The following DNAH10 variants were observed in gnomAD, a reference collection of about 807,000 sequenced individuals.
DNAH10 encodes dynein axonemal heavy chain 10.
DNAH10 carries 348 observed loss-of-function variants against 506.6 expected under a neutral mutation model. The ratio of observed to expected loss-of-function variants is 0.69; its 90% confidence interval spans 0.63 to 0.75. The LOEUF (loss-of-function observed/expected upper bound fraction) is 0.75. Among genes scored for constraint, DNAH10 ranks in the 30% least tolerant of loss-of-function variants. The pLI is 0.00. For synonymous variants in DNAH10, 2,059 were observed against 2,198.6 expected (o/e 0.94, Z 1.78); for missense variants, 5,179 against 5,787.1 (o/e 0.89, Z 3.41).
At chr12:123,772,710 A>G (rs1565885294) in intron 3 of DNAH10, 124 bp from the exon 4 acceptor site, 3 of 703,414 alleles carry the variant, frequency 4.3e-6, no homozygotes, top group Non-Finnish European at 7.0e-6. Context: ...GGCTGTGGCT[A>G]CATTGTCAGA....
At chr12:123,798,071 C>A (rs1466947192) in intron 13 of DNAH10, among the ~76,000 whole-genome samples, 2 of 152,144 alleles carry the variant, frequency 1.3e-5, no homozygotes, top group Non-Finnish European at 2.9e-5. Context: ...CATTATTATT[C>A]TTTTGATTTC....
At position 123,813,252 on chromosome 12, in the gene DNAH10, A is replaced by C; in HGVS notation, c.3233A>C (p.Asn1078Thr). Residue 1078 changes from asparagine to threonine, a missense_variant, in exon 20 of 79, where the codon AAT (asparagine) becomes ACT (threonine). Coordinates refer to ENST00000673944, the MANE Select transcript of DNAH10 (RefSeq NM_001372106.1). ...EEEVVIINFY[N>T]DISLNPQIIE... is the part of the protein sequence containing the mutation. Reference sequence around the variant, plus strand: ...GAAGTTGTTATAATAAACTTTTACAATGATATCTCTCTGAACCCTCAGATA... The same window carrying C: ...GAAGTTGTTATAATAAACTTTTACACTGATATCTCTCTGAACCCTCAGATA... The C allele has an allele frequency of 6.2e-7, 1 of 1,614,198 alleles. No individual in the cohort carries two copies. The highest frequency in any genetic ancestry group is 2.2e-5 in the East Asian group (1 of 44,892).
At chr12:123,773,196 G>A (rs1170643634) in intron 4 of DNAH10, among the ~76,000 whole-genome samples, 2 of 152,254 alleles carry the variant, frequency 1.3e-5, no homozygotes, top group African/African-American at 4.8e-5. Flanking sequence ...TGTGAAGACT[G>A]AAACTTGTGA....
At chr12:123,867,633 A>G in intron 42 of DNAH10, 32 bp downstream of exon 42, 1 of 1,611,254 alleles carries the variant, frequency 6.2e-7, no homozygotes, top group Non-Finnish European at 8.5e-7. Context: ...TAGCAAAAAG[A>G]AATTCTTTCC....
At chr12:123,873,205 G>A (rs544185427) in intron 45 of DNAH10, among the ~76,000 whole-genome samples, 2 of 152,186 alleles carry the variant, frequency 1.3e-5, no homozygotes, top group East Asian at 1.9e-4. Context: ...ATGCCATTAC[G>A]ATCGTCTTAC....
chr12:123,838,747 C>A, intron 29 of DNAH10, 58 bp downstream of exon 29: 1 of 1,476,012 alleles, frequency 6.8e-7, no homozygotes, highest in South Asian at 1.2e-5. Context: ...GCCTTCGGTC[C>A]TCCCTGGTTC....
chr12:123,906,892 A>T (rs1052059661), intron 57 of DNAH10, among the ~76,000 whole-genome samples: 6 of 152,248 alleles, frequency 3.9e-5, no homozygotes, highest in African/African-American at 1.4e-4. Context: ...AGGCAGGAAG[A>T]TGAAGAGTCA....
Position 123,835,502 on chromosome 12 carries a change from G to T in DNAH10, c.4876G>T (p.Asp1626Tyr). 6.2e-7 allele frequency: 1 copy of T among 1,608,150 alleles called. No individual in the cohort carries two copies. Among genetic ancestry groups the T allele is most frequent in the Non-Finnish European group, 8.5e-7 (1 of 1,176,994 alleles). ...ACTTCCGGAAGAGGCAAAAAAGTTT[G>T]ACAACATCGATAAAGTATTTAAAAG... ...SQLPEEAKKF[D>Y]NIDKVFKRIM... Residue 1626 changes from aspartate to tyrosine, a missense_variant, in exon 28 of 79, where the codon GAC becomes TAC. Asp to Tyr is a radical substitution (Grantham distance 160). This residue lies in a region of DNAH10 where 4,844 missense variants were observed against 5,430.5 expected (regional missense o/e 0.89). Transcript: ENST00000673944.
chr12:123,932,181 C>T (rs1361279907), intron 76 of DNAH10, 73 bp downstream of exon 76: 1 of 1,566,322 alleles, frequency 6.4e-7, no homozygotes, highest in Non-Finnish European at 8.7e-7. Flanking sequence ...ACCTCCCAAT[C>T]CCCTCTTTCC....
intron 5 of DNAH10, among the ~76,000 whole-genome samples, chr12:123,774,723 C>G (rs908338506): frequency 6.6e-6 from 1 of 152,356 alleles, no homozygotes; most frequent in South Asian, 2.1e-4. Context: ...TGGCTTTCAG[C>G]GGTTTTCCAC....
At chr12:123,879,018 G>A (rs752022074) in intron 48 of DNAH10, among the ~76,000 whole-genome samples, 3 of 152,192 alleles carry the variant, frequency 2.0e-5, no homozygotes, top group African/African-American at 4.8e-5. Flanking sequence ...TATAGACAAC[G>A]CTCTTTTTTT....
In DNAH10 at chr12:123,851,114, A is replaced by G. The variant is rs530826187; in HGVS notation, c.6291+38A>G. The G allele has an allele frequency of 1.3e-4, 207 of 1,534,700 alleles. No individual in the cohort carries two copies. The Middle Eastern group carries it at 1.7e-3, about 13-fold the overall frequency. The stretch of plus-strand genomic sequence containing the variant: ...GGCAGCGCCAGGTCGTGCAGTGCAG[A>G]CTTCACCCGGGTCTGCTTCCAGACT... On this transcript the variant is annotated intron_variant, in intron 35 of 78. Transcript: ENST00000673944.
Position 123,883,634 on chromosome 12 carries a change from G to A in DNAH10, c.8823+1821G>A, listed in dbSNP as rs188811529. 3.9e-5 allele frequency among the ~76,000 whole-genome samples: 6 copies of A among 152,242 alleles called. No homozygotes were observed. The East Asian group carries it at 9.6e-4, about 24-fold the overall frequency. ...CAATTTACAATGGATTTATTGAGAC[G>A]TAGCCCCATCTTAAGCTGAAAAGTG... On this transcript the variant is annotated intron_variant, in intron 51 of 78. Coordinates refer to ENST00000673944, the MANE Select transcript of DNAH10 (RefSeq NM_001372106.1).
chr12:123,800,995 C>T (rs992790926), intron 15 of DNAH10, among the ~76,000 whole-genome samples: 8 of 149,040 alleles, frequency 5.4e-5, no homozygotes, highest in Non-Finnish European at 4.5e-5. Flanking sequence ...CCAGCCTAGG[C>T]GACAGAGCGA....
Position 123,813,738 on chromosome 12 carries a change from G to C in DNAH10, c.3622-16G>C, listed in dbSNP as rs766189086. 3 of 1,613,248 alleles carry C rather than the reference G, an allele frequency of 1.9e-6. No homozygotes were observed. In the South Asian group the frequency reaches 3.3e-5, roughly 18 times the overall value. On this transcript the variant is annotated splice_polypyrimidine_tract_variant and intron_variant, in intron 20 of 78. Transcript: ENST00000673944. ...TTTCTGTGTTTGCTTAGTGTTCTTT[G>C]TACTTTCTGTTATAGCACCTGGCCA... is the stretch of plus-strand genomic sequence containing the variant.
intron 52 of DNAH10, among the ~76,000 whole-genome samples, chr12:123,892,068 C>T (rs980146810): frequency 2.0e-5 from 3 of 152,228 alleles, no homozygotes; most frequent in Admixed American, 1.3e-4. Context: ...CCCGGATGCC[C>T]GGAGGGAGAG....
At chr12:123,833,415 T>C in intron 27 of DNAH10, 68 bp downstream of exon 27, 1 of 1,258,200 alleles carries the variant, frequency 7.9e-7, no homozygotes, top group Admixed American at 2.2e-5. Flanking sequence ...TATGAGGATA[T>C]TTTGTGCTTA....
chr12:123,851,445 G>T (rs12819064), intron 35 of DNAH10, among the ~76,000 whole-genome samples: 1 of 150,588 alleles, frequency 6.6e-6, no homozygotes, highest in Non-Finnish European at 1.5e-5. Context: ...TTTTTCTGCT[G>T]TGTCTCTCTT....
intron 46 of DNAH10, 47 bp from the exon 47 acceptor site, chr12:123,875,184 T>G (rs1464484439): frequency 6.4e-7 from 1 of 1,557,630 alleles, no homozygotes; most frequent in South Asian, 1.2e-5. Context: ...CTCTGACTCC[T>G]ACTTTGCGAT....
Sources: allele counts gnomAD v4.1 joint callset (sites outside exome capture counted in the v4.1 genomes callset), GRCh38; gene constraint gnomAD v4.1.1; regional missense constraint gnomAD v4.1.1; transcripts MANE v1.5; gene names NCBI Gene and HGNC (gene_info 2026-07-23, HGNC 2026-07-21).